Variants in SEMA6D observed in about 807,000 individuals in gnomAD.
SEMA6D encodes the protein semaphorin 6D, also known as semaphorin-6D.
In SEMA6D, 35 loss-of-function variants were observed where a neutral mutation model predicts 106.6. The observed-to-expected ratio is 0.33, with a 90% CI of 0.25 to 0.44. The LOEUF is 0.44. Among genes scored for constraint, SEMA6D ranks in the 20% least tolerant of loss-of-function variants. The pLI is 1.00. For missense variants in SEMA6D, 1,185 were observed against 1,345.9 expected (o/e 0.88, Z 1.87); for synonymous variants, 499 against 487.7 (o/e 1.02, Z -0.31).
chr15:47,359,265 G>A (rs929101051), intron 1 of SEMA6D, among the ~76,000 whole-genome samples: 2 of 152,090 alleles, frequency 1.3e-5, no homozygotes, highest in African/African-American at 4.8e-5. Context: ...CACCCAGTTA[G>A]TACTTATTGA....
chr15:47,227,438 T>TTTCTTTCTTTTTCTTTCTTTC (rs374904188), intron 1 of SEMA6D, among the ~76,000 whole-genome samples: 2 of 77,666 alleles, frequency 2.6e-5, no homozygotes, highest in Admixed American at 1.4e-4. Context: ...TCTTTCTTTC[T>TTTCTTTCTTTTTCTTTCTTTC]TTTCTTTCTT....
In SEMA6D at chr15:47,759,601, G is replaced by A. The variant is rs1238358670; in HGVS notation, c.-54-144G>A. On this transcript the variant is annotated intron_variant, in intron 1 of 18. Transcript: ENST00000536845. Reference sequence around the variant, plus strand: ...GTTGCCATCTTTTGCCTGTGTTTTTGGCGATACCTGATCTACCACTGCCAG... The same window carrying A: ...GTTGCCATCTTTTGCCTGTGTTTTTAGCGATACCTGATCTACCACTGCCAG... 6.8e-6 allele frequency: 4 copies of A among 587,108 alleles called. No homozygotes were observed. The Admixed American group carries it at 8.9e-5, about 13-fold the overall frequency. 36.4% of individuals were successfully genotyped at this position (587,108 alleles called of 1,614,324 possible).
At chr15:47,411,716 CT>C (rs1320164247) in intron 1 of SEMA6D, among the ~76,000 whole-genome samples, 1 of 152,106 alleles carries the variant, frequency 6.6e-6, no homozygotes, top group East Asian at 1.9e-4. Context: ...CCCCCTCTGT[CT>C]TCAGGTTTGG....
At chr15:47,617,316 A>G (rs938043) in intron 4 of SEMA6D, among the ~76,000 whole-genome samples, 37,507 of 152,134 alleles carry the variant, frequency 0.25, 5,456 homozygotes, top group East Asian at 0.46. Context: ...TAACAGGCCA[A>G]TGAAAATTAG....
intron 2 of SEMA6D, among the ~76,000 whole-genome samples, chr15:47,458,752 A>G (rs533832156): frequency 6.6e-6 from 1 of 152,140 alleles, no homozygotes; most frequent in African/African-American, 2.4e-5. Context: ...ACCTTTTTTT[A>G]GGAAAGAAGA....
Position 47,529,430 on chromosome 15 carries a change from T to C in SEMA6D, c.-87+58885T>C, listed in dbSNP as rs190693955. On this transcript the variant is annotated intron_variant, in intron 3 of 19. Coordinates refer to the SEMA6D transcript ENST00000558014. ...CCGTGTTGTTGAAGGGTCAACTGTATTGGGCAACAAGGCTTTAGCTGGAAG... is the reference window on the plus strand; with the variant it reads ...CCGTGTTGTTGAAGGGTCAACTGTACTGGGCAACAAGGCTTTAGCTGGAAG... Among the ~76,000 whole-genome samples the C allele has an allele frequency of 2.6e-5, 4 of 152,232 alleles. No individual in the cohort carries two copies. In the East Asian group the frequency reaches 7.7e-4, roughly 29 times the overall value.
intron 1 of SEMA6D, among the ~76,000 whole-genome samples, chr15:47,320,816 GT>G (rs1242758201): frequency 2.0e-5 from 3 of 152,066 alleles, no homozygotes; most frequent in Non-Finnish European, 4.4e-5. Context: ...TTTACCACCT[GT>G]ATTGCTTGTA....
chr15:47,598,457 T>C (rs1008632835), intron 3 of SEMA6D, among the ~76,000 whole-genome samples: 6 of 152,196 alleles, frequency 3.9e-5, no homozygotes, highest in African/African-American at 1.2e-4. Context: ...GTTCTCTTTG[T>C]GGATATTTTC....
chr15:47,492,238 G>A (rs1028060194), intron 3 of SEMA6D, among the ~76,000 whole-genome samples: 1 of 152,116 alleles, frequency 6.6e-6, no homozygotes, highest in African/African-American at 2.4e-5. Flanking sequence ...CTGAAAAATA[G>A]ATAAATCTAA....
At chr15:47,491,819 G>C (rs573302906) in intron 3 of SEMA6D, among the ~76,000 whole-genome samples, 1 of 152,174 alleles carries the variant, frequency 6.6e-6, no homozygotes, top group East Asian at 1.9e-4. Flanking sequence ...TCTTCTCTTT[G>C]GTCAGTGCTC....
intron 3 of SEMA6D, chr15:47,600,810 A>C (rs767752486): frequency 5.3e-5 from 8 of 152,156 alleles, no homozygotes; most frequent in Admixed American, 2.6e-4. Flanking sequence ...TTGTGGTTTT[A>C]AAGGTCAGAA....
At chr15:47,589,179 G>T (rs1596376907) in intron 3 of SEMA6D, among the ~76,000 whole-genome samples, 1 of 152,202 alleles carries the variant, frequency 6.6e-6, no homozygotes, top group East Asian at 1.9e-4. Context: ...CCTTCAGGGT[G>T]TGTGCATGGC....
At chr15:47,320,420 A>G (rs1244343709) in intron 1 of SEMA6D, among the ~76,000 whole-genome samples, 1 of 151,572 alleles carries the variant, frequency 6.6e-6, no homozygotes, top group Admixed American at 6.6e-5. Flanking sequence ...TCCTTATTTT[A>G]TCAGTGCAGC....
At chr15:47,295,419 A>G (rs1595667328) in intron 1 of SEMA6D, among the ~76,000 whole-genome samples, 2 of 152,168 alleles carry the variant, frequency 1.3e-5, no homozygotes, top group Non-Finnish European at 2.9e-5. Flanking sequence ...CTAAATTAAC[A>G]GTGGGTTAGC....
At chr15:47,315,983 G>A (rs1595713988) in intron 1 of SEMA6D, among the ~76,000 whole-genome samples, 1 of 151,526 alleles carries the variant, frequency 6.6e-6, no homozygotes, top group Admixed American at 6.6e-5. Context: ...TATTAGTTTC[G>A]AGAGGGTTTT....
At chr15:47,338,031 A>C (rs1009456762) in intron 1 of SEMA6D, among the ~76,000 whole-genome samples, 1 of 152,204 alleles carries the variant, frequency 6.6e-6, no homozygotes, top group African/African-American at 2.4e-5. Context: ...GCAGGCAAAA[A>C]TAGCTCACTA....
chr15:47,582,646 A>C (rs1384918677), intron 3 of SEMA6D, among the ~76,000 whole-genome samples: 1 of 152,184 alleles, frequency 6.6e-6, no homozygotes, highest in African/African-American at 2.4e-5. Context: ...TCCTGCCTGC[A>C]GCCCTCCATG....
chr15:47,314,705 T>C (rs2036581795), intron 1 of SEMA6D, among the ~76,000 whole-genome samples: 1 of 151,720 alleles, frequency 6.6e-6, no homozygotes, highest in Admixed American at 6.6e-5. Context: ...CTGTGGCTTG[T>C]CTTTGCAGTC....
rs74011485 is a variant in SEMA6D, at chr15:47,499,289, C to G, written c.-87+28744C>G. Among the ~76,000 whole-genome samples the G allele has an allele frequency of 9.4e-3, 1,435 of 152,202 alleles. 31 individuals carry two copies. The highest frequency in any genetic ancestry group is 0.033 in the African/African-American group (1,386 of 41,516). On this transcript the variant is annotated intron_variant, in intron 3 of 19. Coordinates refer to the SEMA6D transcript ENST00000558014. ...CCGTCCTCAGAAATAGTCTTTCTAT[C>G]CTGGCTTCTACGCCCTTCCCAGGCT...
Sources: gnomAD v4.1 joint callset for allele counts (sites outside exome capture counted in the v4.1 genomes callset) on GRCh38, gnomAD v4.1.1 for gene constraint, MANE v1.5 for transcripts, NCBI Gene and HGNC (gene_info 2026-07-23, HGNC 2026-07-21) for gene names.